Variants in MESD observed in about 807,000 individuals in gnomAD.
The protein encoded by MESD is LRP chaperone MESD.
Under a neutral mutation model 12.9 loss-of-function variants are expected in MESD, and 7 were observed. The observed-to-expected ratio is 0.54, with a 90% CI of 0.31 to 1.02. MESD has a LOEUF of 1.02. Ranked by LOEUF, MESD falls within the 50% of genes least tolerant of loss-of-function variation. The pLI is 0.05. For synonymous variants in MESD, 126 were observed against 115.6 expected, an observed-to-expected ratio of 1.09 and a Z score of -0.58; for missense variants, 342 against 296.7, an observed-to-expected ratio of 1.15 and a Z score of -1.12.
chr15:80,956,494 A>G (rs1389967018), intron 3 of MESD, among the ~76,000 whole-genome samples: 2 of 152,256 alleles, frequency 1.3e-5, no homozygotes, highest in African/African-American at 4.8e-5. Context: ...TAGAAAGAGT[A>G]GCACGAGGGT....
chr15:80,979,342 T>A lies in MESD; in HGVS notation c.582A>T (p.Gly194=). ...TTTTATTTTTCTCTTTGCTTCCTCC[T>A]CCTTTGCCGGGGTACACCTGGCCCT... The part of the protein sequence containing the change: ...TLEGQVYPGK[G]GGSKEKNKTK... Residue 194 remains glycine, a synonymous_variant, in exon 3 of 3, where the codon GGA becomes GGT. Transcript: ENST00000261758. 1.2e-6 allele frequency: 2 copies of A among 1,614,202 alleles called. No homozygotes were observed. Among genetic ancestry groups the A allele is most frequent in the Non-Finnish European group, 1.7e-6 (2 of 1,180,050 alleles).
At chr15:80,950,093 G>C (rs150985628) in intron 4 of MESD, 187 of 152,444 alleles carry the variant, frequency 1.2e-3, no homozygotes, top group African/African-American at 4.4e-3. Flanking sequence ...TCCTGCCTTA[G>C]GGCCTCATTT....
chr15:80,967,122 G>A (rs748037812), intron 3 of MESD, among the ~76,000 whole-genome samples: 12 of 151,952 alleles, frequency 7.9e-5, no homozygotes, highest in Non-Finnish European at 1.3e-4. Flanking sequence ...AGAAACCCCC[G>A]CCTCTACTAA....
intron 1 of MESD, among the ~76,000 whole-genome samples, chr15:80,984,234 T>C (rs1204426278): frequency 6.6e-6 from 1 of 151,980 alleles, no homozygotes; most frequent in Non-Finnish European, 1.5e-5. Flanking sequence ...AAATCTTTAA[T>C]AGAACCAGGT....
intron 3 of MESD, chr15:80,970,527 G>A (rs560422239): frequency 6.6e-6 from 1 of 152,224 alleles, no homozygotes; most frequent in African/African-American, 2.4e-5. Flanking sequence ...ATAATGGGAA[G>A]TGTTGTACTT....
intron 3 of MESD, among the ~76,000 whole-genome samples, chr15:80,963,906 G>A (rs2141793061): frequency 6.6e-6 from 1 of 152,292 alleles, no homozygotes; most frequent in Middle Eastern, 3.4e-3. Flanking sequence ...CATTCCCTCT[G>A]AAAACTGGCT....
intron 3 of MESD, among the ~76,000 whole-genome samples, chr15:80,962,340 G>C (rs914865024): frequency 6.6e-6 from 1 of 152,144 alleles, no homozygotes; most frequent in Non-Finnish European, 1.5e-5. Flanking sequence ...GATTTATAAA[G>C]CAAGTTCTCA....
At chr15:80,969,622 A>G (rs1384270402) in intron 3 of MESD, among the ~76,000 whole-genome samples, 1 of 152,120 alleles carries the variant, frequency 6.6e-6, no homozygotes, top group African/African-American at 2.4e-5. Flanking sequence ...TGGGAGGTCG[A>G]GGCAGGCGGA....
At chr15:80,966,761 G>A (rs1902182346) in intron 3 of MESD, among the ~76,000 whole-genome samples, 1 of 152,226 alleles carries the variant, frequency 6.6e-6, no homozygotes, top group African/African-American at 2.4e-5. Context: ...CACTGTGGGT[G>A]TGTGTATTTG....
At chr15:80,957,561 A>C (rs2141786623) in intron 3 of MESD, among the ~76,000 whole-genome samples, 2 of 152,210 alleles carry the variant, frequency 1.3e-5, no homozygotes, top group African/African-American at 4.8e-5. Context: ...TTAGGCTCCC[A>C]TGATTGGAAG....
In MESD at chr15:80,979,350, CG is replaced by C. The variant is rs1567125273; in HGVS notation, c.573del (p.Gly192AlafsTer25). 1.9e-6 allele frequency: 3 copies of C among 1,614,084 alleles called. No individual in the cohort carries two copies. In the African/African-American group the frequency reaches 4.0e-5, roughly 22 times the overall value. On this transcript the variant is annotated frameshift_variant, in exon 3 of 3. Coordinates refer to ENST00000261758, the MANE Select transcript of MESD (RefSeq NM_015154.3). LOFTEE classifies it low-confidence loss of function (END_TRUNC). ...ADVTLEGQVY[P>X]GKGGGSKEKN... ...TTCTCTTTGCTTCCTCCTCCTTTGC[CG>C]GGGTACACCTGGCCCTCCAGAGTTA...
At chr15:80,954,740 G>A (rs966672861) in intron 3 of MESD, among the ~76,000 whole-genome samples, 1 of 152,240 alleles carries the variant, frequency 6.6e-6, no homozygotes, top group African/African-American at 2.4e-5. Flanking sequence ...TATAAAGCAA[G>A]CTCGTCTAAC....
intron 3 of MESD, among the ~76,000 whole-genome samples, chr15:80,964,527 A>G (rs1429236749): frequency 1.3e-5 from 2 of 152,240 alleles, no homozygotes; most frequent in Non-Finnish European, 2.9e-5. Context: ...AAACAAAAAG[A>G]ACAAAGCTGG....
At chr15:80,972,446 C>T (rs1406404227), downstream of MESD, among the ~76,000 whole-genome samples, 3 of 152,144 alleles carry the variant, frequency 2.0e-5, no homozygotes, top group African/African-American at 7.2e-5. Flanking sequence ...CACCTCTGGT[C>T]CAAAAGACCA....
At chr15:80,972,500 G>A (rs1347664990), downstream of MESD, among the ~76,000 whole-genome samples, 1 of 152,218 alleles carries the variant, frequency 6.6e-6, no homozygotes. Flanking sequence ...GGCTGTGCAT[G>A]TAAACACAGC....
At chr15:80,983,257 A>G (rs1284421573) in intron 1 of MESD, among the ~76,000 whole-genome samples, 1 of 152,030 alleles carries the variant, frequency 6.6e-6, no homozygotes, top group African/African-American at 2.4e-5. Flanking sequence ...GAAAAAAAAA[A>G]AAAGAAAAGA....
At chr15:80,961,195 C>T (rs13380033) in intron 3 of MESD, among the ~76,000 whole-genome samples, 2,899 of 151,792 alleles carry the variant, frequency 0.019, 78 homozygotes, top group African/African-American at 0.067. Context: ...ATTAAATGCT[C>T]CTTAACATGC....
At chr15:80,959,559 G>A (rs2141788664) in intron 3 of MESD, among the ~76,000 whole-genome samples, 2 of 152,268 alleles carry the variant, frequency 1.3e-5, no homozygotes, top group South Asian at 4.1e-4. Flanking sequence ...TGGTAAGGGG[G>A]ATCTTGGGCA....
At chr15:80,989,521 C>T in intron 1 of MESD, 58 bp downstream of exon 1, 1 of 1,556,032 alleles carries the variant, frequency 6.4e-7, no homozygotes, top group Non-Finnish European at 8.8e-7. Flanking sequence ...GGTAAGGGGT[C>T]ATAGGGAACA....
Sources: allele counts gnomAD v4.1 joint callset (sites outside exome capture counted in the v4.1 genomes callset), GRCh38; gene constraint gnomAD v4.1.1; transcripts MANE v1.5; gene names NCBI Gene and HGNC (gene_info 2026-07-23, HGNC 2026-07-21).